DLGAP1: variants seen among roughly 807,000 people sequenced by gnomAD.
DLGAP1 encodes disks large-associated protein 1.
A neutral mutation model predicts 90.8 loss-of-function variants in DLGAP1; 11 were observed. That is an observed-to-expected ratio of 0.12 (90% CI 0.08 to 0.20). The LOEUF (loss-of-function observed/expected upper bound fraction) is 0.20, where lower values mean the gene tolerates loss of function less well. Ranked by LOEUF, DLGAP1 falls within the 10% of genes least tolerant of loss-of-function variation. The pLI is 1.00. For missense variants in DLGAP1, 1,050 were observed against 1,333.8 expected (o/e 0.79, Z 3.31); for synonymous variants, 558 against 540.7 (o/e 1.03, Z -0.44).
chr18:3,654,651 G>A (rs1414042214), intron 7 of DLGAP1: 1 of 152,134 alleles, frequency 6.6e-6, no homozygotes, highest in Non-Finnish European at 1.5e-5. Flanking sequence ...TGCAGCCAAG[G>A]TCATTCTCAT....
chr18:3,635,186 A>G lies in DLGAP1; in HGVS notation c.1592-52938T>C, dbSNP rs771907080. Among the ~76,000 whole-genome samples the G allele has an allele frequency of 3.1e-4, 46 of 148,068 alleles. 1 individual carries two copies. The highest frequency in any genetic ancestry group is 1.0e-3 in the Admixed American group (15 of 14,746). On this transcript the variant is annotated intron_variant, in intron 7 of 12. Coordinates refer to ENST00000315677, the MANE Select transcript of DLGAP1 (RefSeq NM_004746.4). ...CGCTCTTTCACCCAGGCTGGAGTGC[A>G]GTGGCGGGATCTCGGCTCACTGCAA...
intron 1 of DLGAP1, among the ~76,000 whole-genome samples, chr18:4,156,568 A>T (rs2076759847): frequency 6.6e-6 from 1 of 152,220 alleles, no homozygotes; most frequent in African/African-American, 2.4e-5. Context: ...TTTAAAACAA[A>T]GGGAAATAAT....
At chr18:4,274,391 T>C (rs1321831474) in intron 1 of DLGAP1, among the ~76,000 whole-genome samples, 1 of 152,216 alleles carries the variant, frequency 6.6e-6, no homozygotes, top group African/African-American at 2.4e-5. Flanking sequence ...TATTATTTCT[T>C]TTCTTTTAAA....
intron 1 of DLGAP1, among the ~76,000 whole-genome samples, chr18:4,165,914 T>C (rs558117208): frequency 1.3e-5 from 2 of 152,210 alleles, no homozygotes; most frequent in South Asian, 4.2e-4. Context: ...CTTAACACTT[T>C]GGGAGGCTAA....
Position 3,729,019 on chromosome 18 carries a change from T to C in DLGAP1, c.1591+116A>G, listed in dbSNP as rs896340087. 2.1e-6 allele frequency: 3 copies of C among 1,430,504 alleles called. No homozygotes were observed. The highest frequency in any genetic ancestry group is 2.8e-6 in the Non-Finnish European group (3 of 1,077,864). The allele number at this position is 1,430,504 out of a possible 1,614,324, so 88.6% of individuals were successfully genotyped here. ...AGGAAAACCTTTGGTTTGTAGGACA[T>C]GGGTGGTATCTTGTTCCTGGCAACT... is the stretch of plus-strand genomic sequence containing the variant. On this transcript the variant is annotated intron_variant, in intron 7 of 12. Coordinates refer to ENST00000315677, the MANE Select transcript of DLGAP1 (RefSeq NM_004746.4). The surrounding 1 kb of genome is among the most constrained non-coding windows in gnomAD (Gnocchi z 6.2).
At chr18:4,242,610 G>C (rs1295256730) in intron 1 of DLGAP1, among the ~76,000 whole-genome samples, 1 of 152,152 alleles carries the variant, frequency 6.6e-6, no homozygotes, top group Non-Finnish European at 1.5e-5. Context: ...TGCACACCTG[G>C]GAGGAAGAAA....
chr18:4,426,242 T>C (rs1253695490), intron 1 of DLGAP1, among the ~76,000 whole-genome samples: 1 of 152,168 alleles, frequency 6.6e-6, no homozygotes, highest in Non-Finnish European at 1.5e-5. Context: ...ACACCCTTAG[T>C]GCATGTAGAA....
chr18:4,260,987 G>C (rs761304701), intron 1 of DLGAP1, among the ~76,000 whole-genome samples: 2 of 152,076 alleles, frequency 1.3e-5, no homozygotes, highest in Non-Finnish European at 2.9e-5. Context: ...AAGTGAACAC[G>C]AACAAGTTGT....
intron 10 of DLGAP1, among the ~76,000 whole-genome samples, chr18:3,512,418 G>A (rs2050595869): frequency 6.6e-6 from 1 of 152,014 alleles, no homozygotes; most frequent in Non-Finnish European, 1.5e-5. Flanking sequence ...AGTTGAATGG[G>A]ATTCTTCCTA....
chr18:3,698,652 G>A (rs1421733181), intron 7 of DLGAP1, among the ~76,000 whole-genome samples: 1 of 152,112 alleles, frequency 6.6e-6, no homozygotes, highest in East Asian at 1.9e-4. Context: ...TATCTTTGTA[G>A]TGTTCTCTGT....
intron 1 of DLGAP1, among the ~76,000 whole-genome samples, chr18:4,295,800 A>G (rs2079966815): frequency 6.6e-6 from 1 of 152,228 alleles, no homozygotes; most frequent in African/African-American, 2.4e-5. Flanking sequence ...TGTGTAAAAC[A>G]CAAATTTGTG....
At chr18:3,927,350 C>A (rs2072414989) in intron 3 of DLGAP1, among the ~76,000 whole-genome samples, 1 of 152,190 alleles carries the variant, frequency 6.6e-6, no homozygotes, top group African/African-American at 2.4e-5. Context: ...AGAAAGACGT[C>A]TAAATTATGA....
intron 2 of DLGAP1, among the ~76,000 whole-genome samples, chr18:4,031,250 G>C (rs1441798581): frequency 1.3e-5 from 2 of 151,646 alleles, no homozygotes; most frequent in African/African-American, 4.8e-5. Context: ...GTTGAGCAAA[G>C]TCTGGTTTGA....
intron 1 of DLGAP1, among the ~76,000 whole-genome samples, chr18:4,178,812 C>T (rs1521434): frequency 0.41 from 61,931 of 151,910 alleles, 13,146 homozygotes; most frequent in East Asian, 0.69. Context: ...GGTCAATGTA[C>T]TTTCATATTA....
chr18:3,622,701 A>G (rs2058139169), intron 7 of DLGAP1, among the ~76,000 whole-genome samples: 1 of 152,224 alleles, frequency 6.6e-6, no homozygotes, highest in Admixed American at 6.5e-5. Context: ...GGCAATCCTA[A>G]CTTGGCTAGC....
At chr18:3,809,104 C>T (rs1353403138) in intron 5 of DLGAP1, among the ~76,000 whole-genome samples, 14 of 152,076 alleles carry the variant, frequency 9.2e-5, no homozygotes, top group Admixed American at 9.2e-4. Context: ...CATCTCGGAT[C>T]GATGAATCAT....
chr18:3,597,986 T>G (rs2056678481), intron 7 of DLGAP1: 1 of 152,290 alleles, frequency 6.6e-6, no homozygotes, highest in South Asian at 2.1e-4. Context: ...ACTGTTTACA[T>G]CAGCCCACTT....
At chr18:3,735,774 T>G (rs2062614041) in intron 6 of DLGAP1, among the ~76,000 whole-genome samples, 1 of 152,184 alleles carries the variant, frequency 6.6e-6, no homozygotes, top group African/African-American at 2.4e-5. Context: ...ATTGTTATTC[T>G]TTCTACTGTT....
At chr18:3,742,925 T>C (rs1326012779) in intron 5 of DLGAP1, among the ~76,000 whole-genome samples, 1 of 151,882 alleles carries the variant, frequency 6.6e-6, no homozygotes, top group East Asian at 1.9e-4. Flanking sequence ...TATATCTATA[T>C]CTATATTTTT....
Sources: allele counts gnomAD v4.1 joint callset (sites outside exome capture counted in the v4.1 genomes callset), GRCh38; gene constraint gnomAD v4.1.1; non-coding constraint Gnocchi (gnomAD v3.1); transcripts MANE v1.5; gene names NCBI Gene and HGNC (gene_info 2026-07-23, HGNC 2026-07-21).